PTPRD: variants seen among roughly 807,000 people sequenced by gnomAD.
The protein encoded by PTPRD is protein tyrosine phosphatase receptor type D.
A neutral mutation model predicts 214.5 loss-of-function variants in PTPRD; 34 were observed. That is an observed-to-expected ratio of 0.16 (90% CI 0.12 to 0.21). The LOEUF is 0.21. Ranked by LOEUF, PTPRD falls within the 10% of genes least tolerant of loss-of-function variation. The pLI, the probability that PTPRD is intolerant of heterozygous loss-of-function variation, is 1.00. For synonymous variants in PTPRD, 1,128 were observed against 845.7 expected (o/e 1.33, Z -5.79); for missense variants, 2,545 against 2,398.7 (o/e 1.06, Z -1.27).
intron 11 of PTPRD, among the ~76,000 whole-genome samples, chr9:8,953,805 C>G (rs891645286): frequency 6.6e-6 from 1 of 151,992 alleles, no homozygotes; most frequent in African/African-American, 2.4e-5. Context: ...GATATGCCAT[C>G]TCACACCAGT....
At chr9:9,313,422 G>T (rs906640359) in intron 9 of PTPRD, among the ~76,000 whole-genome samples, 1 of 152,104 alleles carries the variant, frequency 6.6e-6, no homozygotes, top group African/African-American at 2.4e-5. Context: ...TGGAAATAAA[G>T]AATTAGCGTA....
intron 10 of PTPRD, among the ~76,000 whole-genome samples, chr9:9,151,980 G>C (rs1467352393): frequency 6.6e-6 from 1 of 152,198 alleles, no homozygotes; most frequent in East Asian, 1.9e-4. Context: ...TTGATTTGGA[G>C]TTTGTTGCTT....
rs150488949 is a variant in PTPRD, at chr9:8,573,694, T to C, written c.353-44915A>G. Among the ~76,000 whole-genome samples, 853 of 152,060 alleles carry C rather than the reference T, an allele frequency of 5.6e-3. 7 individuals are homozygous for C. Among genetic ancestry groups the C allele is most frequent in the Middle Eastern group, 0.02 (6 of 294 alleles). On this transcript the variant is annotated intron_variant, in intron 14 of 45. Coordinates refer to ENST00000381196, the MANE Select transcript of PTPRD (RefSeq NM_002839.4). ...ATAAAAATGATAAAAAATATTCTCT[T>C]TATCCAAAAAAGTTGCATAATTTTT...
chr9:8,350,454 C>T (rs1031201284), intron 39 of PTPRD, among the ~76,000 whole-genome samples: 2 of 152,106 alleles, frequency 1.3e-5, no homozygotes, highest in African/African-American at 4.8e-5. Flanking sequence ...GGTATATGAA[C>T]TACAAGTATT....
intron 8 of PTPRD, among the ~76,000 whole-genome samples, chr9:9,467,588 C>CAAAAAAATAAAAAAAAAAAAA (rs2094287717): frequency 5.4e-5 from 3 of 55,952 alleles, no homozygotes; most frequent in Admixed American, 3.2e-4. Context: ...CTCCATCTCC[C>CAAAAAAATAAAAAAAAAAAAA]AAAAAAAAAA....
At chr9:10,496,902 A>G (rs984089513) in intron 2 of PTPRD, among the ~76,000 whole-genome samples, 1 of 152,012 alleles carries the variant, frequency 6.6e-6, no homozygotes, top group African/African-American at 2.4e-5. Flanking sequence ...CCCATTCTGT[A>G]GACTGTCTGT....
chr9:9,359,019 T>A (rs1425797043), intron 9 of PTPRD, among the ~76,000 whole-genome samples: 1 of 151,266 alleles, frequency 6.6e-6, no homozygotes, highest in Non-Finnish European at 1.5e-5. Context: ...TATTATGAAT[T>A]TTCTGGAAAT....
In PTPRD at chr9:8,485,394, A is replaced by G. The variant is rs548748378; in HGVS notation, c.3056-70T>C. The G allele has an allele frequency of 1.1e-5, 12 of 1,060,786 alleles. No individual in the cohort carries two copies. The South Asian group carries it at 1.2e-4, about 11-fold the overall frequency. 65.7% of individuals were successfully genotyped at this position (1,060,786 alleles called of 1,614,324 possible). On this transcript the variant is annotated intron_variant, in intron 28 of 45. Coordinates refer to ENST00000381196, the MANE Select transcript of PTPRD (RefSeq NM_002839.4). The stretch of plus-strand genomic sequence containing the variant: ...AGATGACCTGTCCTTTCCACCATGG[A>G]CCATAGGGGCTTATGCTAGATGCTG...
At chr9:8,935,617 C>T (rs529323280) in intron 11 of PTPRD, among the ~76,000 whole-genome samples, 5 of 152,166 alleles carry the variant, frequency 3.3e-5, no homozygotes, top group Non-Finnish European at 7.3e-5. Flanking sequence ...CTAGTTTTAT[C>T]TTTACTAGAA....
intron 10 of PTPRD, among the ~76,000 whole-genome samples, chr9:9,125,809 A>ACAAATAAAGAGTATCAT (rs1338664642): frequency 1.3e-5 from 2 of 152,192 alleles, no homozygotes; most frequent in Non-Finnish European, 2.9e-5. Flanking sequence ...CACACAAACA[A>ACAAATAAAGAGTATCAT]CAAATAAAGA....
At chr9:9,111,223 A>G (rs1301712479) in intron 10 of PTPRD, among the ~76,000 whole-genome samples, 3 of 151,498 alleles carry the variant, frequency 2.0e-5, no homozygotes, top group African/African-American at 7.3e-5. Flanking sequence ...AAAAAAAAAA[A>G]AGAAAAGTGT....
At chr9:9,137,427 T>C (rs2099852631) in intron 10 of PTPRD, among the ~76,000 whole-genome samples, 2 of 152,256 alleles carry the variant, frequency 1.3e-5, no homozygotes, top group South Asian at 4.1e-4. Context: ...CTTGGCAAAC[T>C]TTGTCAAGAA....
At chr9:8,666,885 A>C (rs1372676950) in intron 12 of PTPRD, among the ~76,000 whole-genome samples, 6 of 152,194 alleles carry the variant, frequency 3.9e-5, no homozygotes, top group Non-Finnish European at 8.8e-5. Flanking sequence ...ACGACTAAAA[A>C]CTTAATATTT....
intron 7 of PTPRD, among the ~76,000 whole-genome samples, chr9:9,650,767 C>G (rs904637441): frequency 1.3e-5 from 2 of 151,668 alleles, no homozygotes; most frequent in African/African-American, 2.4e-5. Context: ...ACATGTACCT[C>G]TGAACTTGAA....
chr9:10,051,916 T>C lies in PTPRD; in HGVS notation c.-544-18126A>G, dbSNP rs78652846. ...AAAATATACCACAGCAACCACATGT[T>C]TTACTTAATTAATTATTTAGGCTCC... On this transcript the variant is annotated intron_variant, in intron 3 of 45. Coordinates refer to ENST00000381196, the MANE Select transcript of PTPRD (RefSeq NM_002839.4). 4.3e-3 allele frequency among the ~76,000 whole-genome samples: 657 copies of C among 152,222 alleles called. 8 individuals are homozygous for C. The highest frequency in any genetic ancestry group is 0.014 in the African/African-American group (571 of 41,526).
At chr9:10,479,329 A>G (rs1200062209) in intron 2 of PTPRD, among the ~76,000 whole-genome samples, 1 of 152,110 alleles carries the variant, frequency 6.6e-6, no homozygotes, top group Non-Finnish European at 1.5e-5. Flanking sequence ...TCAGGCTTTT[A>G]AAGACCAACA....
At position 10,459,219 on chromosome 9, in the gene PTPRD, G is replaced by C. The variant is rs938312025; in HGVS notation, c.-599-118202C>G. Among the ~76,000 whole-genome samples, 15 of 152,154 alleles carry C rather than the reference G, an allele frequency of 9.9e-5. No homozygotes were observed. In the South Asian group the frequency reaches 1.2e-3, roughly 13 times the overall value. On this transcript the variant is annotated intron_variant, in intron 2 of 45. Coordinates refer to ENST00000381196, the MANE Select transcript of PTPRD (RefSeq NM_002839.4). The stretch of plus-strand genomic sequence containing the variant: ...TAGCTTCATCCATGTCCCTGCAAAA[G>C]ACATGAACTTATCCTTTTTTATGGC...
intron 14 of PTPRD, among the ~76,000 whole-genome samples, chr9:8,560,029 C>T (rs186358242): frequency 1.3e-5 from 2 of 152,222 alleles, no homozygotes; most frequent in East Asian, 3.9e-4. Context: ...AGTCTATATG[C>T]AGTAAGCAAG....
chr9:9,266,635 G>A (rs899123653), intron 9 of PTPRD, among the ~76,000 whole-genome samples: 3 of 150,230 alleles, frequency 2.0e-5, no homozygotes, highest in African/African-American at 4.9e-5. Flanking sequence ...GGAAATTAAG[G>A]TGTAAATAAG....
Sources: allele counts gnomAD v4.1 joint callset (sites outside exome capture counted in the v4.1 genomes callset), GRCh38; gene constraint gnomAD v4.1.1; transcripts MANE v1.5; gene names NCBI Gene and HGNC (gene_info 2026-07-23, HGNC 2026-07-21).